Variants in LRRTM4 observed in about 807,000 individuals in gnomAD.
LRRTM4 encodes leucine rich repeat transmembrane neuronal 4.
LRRTM4 carries 25 observed loss-of-function variants against 47.6 expected under a neutral mutation model. That is an observed-to-expected ratio of 0.53 (90% CI 0.38 to 0.73). The LOEUF is 0.73. Ranked by LOEUF, LRRTM4 falls within the 30% of genes least tolerant of loss-of-function variation. The probability of loss-of-function intolerance (pLI) is 0.00; values close to 1 mark genes in which losing one functional copy is unlikely to be tolerated. For missense variants in LRRTM4, 638 were observed against 713.4 expected, an observed-to-expected ratio of 0.89 and a Z score of 1.20; for synonymous variants, 311 against 269.5, an observed-to-expected ratio of 1.15 and a Z score of -1.51.
At chr2:77,090,462 G>A (rs561311219) in intron 3 of LRRTM4, among the ~76,000 whole-genome samples, 1 of 152,082 alleles carries the variant, frequency 6.6e-6, no homozygotes, top group Non-Finnish European at 1.5e-5. Flanking sequence ...TTAAATTCTG[G>A]CCCTCAAACC....
chr2:77,060,109 G>A (rs1422223260), intron 3 of LRRTM4, among the ~76,000 whole-genome samples: 1 of 152,134 alleles, frequency 6.6e-6, no homozygotes, highest in Non-Finnish European at 1.5e-5. Context: ...ACTATTTCAT[G>A]GTAGAGAACA....
intron 3 of LRRTM4, among the ~76,000 whole-genome samples, chr2:77,276,722 T>C (rs1558664813): frequency 7.5e-6 from 1 of 134,182 alleles, no homozygotes; most frequent in Non-Finnish European, 1.6e-5. Context: ...TATATATATA[T>C]ATATATATAT....
intron 3 of LRRTM4, among the ~76,000 whole-genome samples, chr2:77,113,292 A>C (rs1671299916): frequency 1.3e-5 from 2 of 152,136 alleles, no homozygotes; most frequent in Non-Finnish European, 1.5e-5. Context: ...GTCCCAGTCT[A>C]AAGGAAGCAA....
chr2:76,792,881 T>C (rs981229348), intron 3 of LRRTM4, among the ~76,000 whole-genome samples: 1 of 152,214 alleles, frequency 6.6e-6, no homozygotes, highest in Admixed American at 6.5e-5. Context: ...CATTGCTTAA[T>C]GTCCACTGTC....
intron 3 of LRRTM4, among the ~76,000 whole-genome samples, chr2:77,157,627 C>A (rs1024956755): frequency 6.6e-6 from 1 of 152,064 alleles, no homozygotes; most frequent in Admixed American, 6.6e-5. Flanking sequence ...GAGTAACATT[C>A]TGCACTTGAC....
At chr2:77,456,181 T>C (rs1573439509) in intron 3 of LRRTM4, among the ~76,000 whole-genome samples, 2 of 152,310 alleles carry the variant, frequency 1.3e-5, no homozygotes, top group African/African-American at 4.8e-5. Context: ...AAATTCCAAA[T>C]GAACACTCAT....
intron 3 of LRRTM4, among the ~76,000 whole-genome samples, chr2:77,260,798 C>T (rs7556684): frequency 0.12 from 18,700 of 151,956 alleles, 3,860 homozygotes; most frequent in African/African-American, 0.42. Flanking sequence ...CTTATGAAAA[C>T]AAAGTCACGC....
intron 3 of LRRTM4, among the ~76,000 whole-genome samples, chr2:77,506,283 T>A (rs547899840): frequency 3.3e-5 from 5 of 151,800 alleles, no homozygotes; most frequent in Non-Finnish European, 5.9e-5. Context: ...CACTAAAGTA[T>A]GTTTTAAATT....
chr2:77,307,451 A>G (rs1482146746), intron 3 of LRRTM4, among the ~76,000 whole-genome samples: 7 of 149,298 alleles, frequency 4.7e-5, no homozygotes. Flanking sequence ...CTTGCTTCTG[A>G]AATTTAATAA....
chr2:76,986,113 G>A (rs1031166809), intron 3 of LRRTM4: 1 of 145,060 alleles, frequency 6.9e-6, no homozygotes, highest in African/African-American at 2.7e-5. Flanking sequence ...GTTAACTCTA[G>A]ATTTTCATTG....
chr2:77,055,274 G>C (rs1558553208), intron 3 of LRRTM4, among the ~76,000 whole-genome samples: 1 of 152,194 alleles, frequency 6.6e-6, no homozygotes, highest in African/African-American at 2.4e-5. Flanking sequence ...CTCTGTGACT[G>C]GGTCTTTGAT....
chr2:76,860,574 G>A (rs759611972), intron 3 of LRRTM4, among the ~76,000 whole-genome samples: 22 of 152,094 alleles, frequency 1.4e-4, no homozygotes, highest in African/African-American at 4.1e-4. Flanking sequence ...GTGTGTGTGC[G>A]TGTGTGTGTA....
At chr2:76,987,500 T>G (rs2103982326) in intron 3 of LRRTM4, 1 of 151,688 alleles carries the variant, frequency 6.6e-6, no homozygotes, top group South Asian at 2.1e-4. Flanking sequence ...GACATGTGAG[T>G]TTCTATATAT....
At chr2:76,816,544 ATTTT>A (rs571921150) in intron 3 of LRRTM4, among the ~76,000 whole-genome samples, 2 of 151,942 alleles carry the variant, frequency 1.3e-5, no homozygotes, top group African/African-American at 4.8e-5. Context: ...TGGAATCTGT[ATTTT>A]TATTTATTTT....
rs1298036568 is a variant in LRRTM4, at chr2:76,763,162, T to A, written c.1552-14246A>T. On this transcript the variant is annotated intron_variant, in intron 3 of 3. Coordinates refer to ENST00000409884, the MANE Select transcript of LRRTM4 (RefSeq NM_001134745.3). ...GGCATATATTTACTAGGGAATTTAT[T>A]CTCCCCTATTCCAGGAAAAAAAACA... Among the ~76,000 whole-genome samples the A allele has an allele frequency of 3.3e-5, 5 of 152,308 alleles. No individual in the cohort carries two copies. In the South Asian group the frequency reaches 8.3e-4, roughly 25 times the overall value.
chr2:77,129,584 G>A (rs559086823), intron 3 of LRRTM4, among the ~76,000 whole-genome samples: 2 of 152,294 alleles, frequency 1.3e-5, no homozygotes, highest in South Asian at 4.1e-4. Context: ...ATCAGTAAAT[G>A]CATCCCATTT....
intron 3 of LRRTM4, among the ~76,000 whole-genome samples, chr2:76,851,205 A>G (rs772704446): frequency 1.2e-4 from 19 of 152,168 alleles, no homozygotes; most frequent in Non-Finnish European, 2.2e-4. Context: ...ATCTGAAATT[A>G]TGATGGAGCT....
intron 3 of LRRTM4, among the ~76,000 whole-genome samples, chr2:77,394,977 TG>T (rs1673646571): frequency 2.0e-5 from 3 of 151,968 alleles, no homozygotes; most frequent in Admixed American, 2.0e-4. Flanking sequence ...TTGCTTATCT[TG>T]AGGCCAGTGC....
intron 3 of LRRTM4, among the ~76,000 whole-genome samples, chr2:77,092,627 G>A (rs1355757672): frequency 6.9e-6 from 1 of 145,626 alleles, no homozygotes; most frequent in Non-Finnish European, 1.5e-5. Flanking sequence ...CCCCGAGTCA[G>A]AAAACTAAAA....
Sources: allele counts gnomAD v4.1 joint callset (sites outside exome capture counted in the v4.1 genomes callset), GRCh38; gene constraint gnomAD v4.1.1; transcripts MANE v1.5; gene names NCBI Gene and HGNC (gene_info 2026-07-23, HGNC 2026-07-21).